Variants in NWD1 observed in about 807,000 individuals in gnomAD.
NWD1 encodes NACHT and WD repeat domain containing 1.
A neutral mutation model predicts 135.1 loss-of-function variants in NWD1; 129 were observed. The observed-to-expected ratio is 0.96, with a 90% CI of 0.83 to 1.11. The LOEUF (loss-of-function observed/expected upper bound fraction) is 1.11, where lower values mean the gene tolerates loss of function less well. Ranked by LOEUF, NWD1 falls within the 50% of genes least tolerant of loss-of-function variation. The pLI, the probability that NWD1 is intolerant of heterozygous loss-of-function variation, is 0.00. For synonymous variants in NWD1, 773 were observed against 786.0 expected (o/e 0.98, Z 0.28); for missense variants, 1,740 against 1,851.3 (o/e 0.94, Z 1.10).
intron 11 of NWD1, among the ~76,000 whole-genome samples, chr19:16,774,339 TCCATCCATCCTCCCACCCATCCAC>T (rs1293890342): frequency 2.7e-5 from 4 of 150,564 alleles, no homozygotes; most frequent in Middle Eastern, 3.4e-3. Flanking sequence ...CATCCATCCA[TCCATCCATCCTCCCACCCATCCAC>T]CCATCCATCT....
chr19:16,761,834 A>T, intron 7 of NWD1, 145 bp from the exon 8 acceptor site: 1 of 552,198 alleles, frequency 1.8e-6, no homozygotes, highest in Non-Finnish European at 3.3e-6. Flanking sequence ...ATTTAGAGAT[A>T]GATGTGATGT....
chr19:16,769,770 T>A (rs1487235876), intron 10 of NWD1, among the ~76,000 whole-genome samples: 1 of 152,240 alleles, frequency 6.6e-6, no homozygotes, highest in Non-Finnish European at 1.5e-5. Flanking sequence ...AACTTCTCTA[T>A]GTCTCCCCGA....
chr19:16,722,935 G>C lies in NWD1; in HGVS notation c.-104-1431G>C, dbSNP rs138756053. Among the ~76,000 whole-genome samples, 672 of 152,232 alleles carry C rather than the reference G, an allele frequency of 4.4e-3. 4 individuals are homozygous for C. The highest frequency in any genetic ancestry group is 0.015 in the African/African-American group (636 of 41,536). On this transcript the variant is annotated intron_variant, in intron 1 of 18. Transcript: ENST00000524140. ...TAGTTGGTGGCAAACTGTTCATGTT[G>C]TCACACATCACTGCTGGGAGATTTA... is the stretch of plus-strand genomic sequence containing the variant.
chr19:16,737,976 A>AAAAGC (rs1479916273), intron 4 of NWD1, among the ~76,000 whole-genome samples: 14 of 149,518 alleles, frequency 9.4e-5, no homozygotes, highest in African/African-American at 3.3e-4. Context: ...AAAAGAAAAG[A>AAAAGC]AAAGAAAAGA....
intron 5 of NWD1, among the ~76,000 whole-genome samples, chr19:16,747,739 C>T (rs11667216): frequency 2.6e-5 from 4 of 152,030 alleles, no homozygotes; most frequent in Non-Finnish European, 4.4e-5. Flanking sequence ...CCTCTCCCAG[C>T]GCAGGCAACC....
intron 16 of NWD1, 28 bp downstream of exon 16, chr19:16,797,914 C>G: frequency 1.3e-6 from 2 of 1,589,712 alleles, no homozygotes; most frequent in South Asian, 2.3e-5. Context: ...ACCCTTCATC[C>G]TCACCTCCAC....
At chr19:16,766,590 CAT>C in intron 10 of NWD1, among the ~76,000 whole-genome samples, 1 of 102,732 alleles carries the variant, frequency 9.7e-6, no homozygotes, top group East Asian at 2.1e-4. Context: ...ATGTCTTAAC[CAT>C]TTTTTTTTTT....
chr19:16,808,284 TCACG>T (rs1482485821), intron 18 of NWD1, 148 bp downstream of exon 18: 2 of 712,740 alleles, frequency 2.8e-6, no homozygotes, highest in Non-Finnish European at 4.6e-6. Context: ...GCGCAGTGGC[TCACG>T]CCTGTAATCC....
intron 6 of NWD1, among the ~76,000 whole-genome samples, chr19:16,750,626 A>AT (rs1455733246): frequency 2.4e-5 from 3 of 123,014 alleles, no homozygotes; most frequent in African/African-American, 6.3e-5. Flanking sequence ...GCAAAATATA[A>AT]TTTTTTTATT....
intron 4 of NWD1, 50 bp downstream of exon 4, chr19:16,736,800 C>T (rs555881453): frequency 1.9e-6 from 2 of 1,079,798 alleles, no homozygotes; most frequent in East Asian, 2.6e-5. Context: ...CAGGATATGC[C>T]CCCTGCTTTC....
rs112114116 is a variant in NWD1 at position 16,816,917 on chromosome 19, G to T, written c.*1878G>T. ...GTAATTTTAAGATGTATGCTTGGAT[G>T]TATTGGGCAGCAGCTTCTAAGGTGT... On this transcript the variant is annotated 3_prime_UTR_variant, in exon 19 of 19. Coordinates refer to ENST00000524140, the MANE Select transcript of NWD1 (RefSeq NM_001007525.5). 7 of 152,208 alleles carry T rather than the reference G, an allele frequency of 4.6e-5. No homozygotes were observed. Among genetic ancestry groups the T allele is most frequent in the African/African-American group, 1.4e-4 (6 of 41,450 alleles). 9.4% of individuals were successfully genotyped at this position (152,208 alleles called of 1,614,324 possible). A position where few individuals can be genotyped will look rare whatever the true frequency, so the allele number is the denominator to read the frequency against.
intron 5 of NWD1, among the ~76,000 whole-genome samples, chr19:16,745,792 C>T (rs1457565975): frequency 6.6e-6 from 1 of 151,954 alleles, no homozygotes; most frequent in East Asian, 1.9e-4. Context: ...TGGTGCATGC[C>T]TGTAGCCCCA....
chr19:16,741,633 T>C (rs978513981), intron 4 of NWD1, among the ~76,000 whole-genome samples: 20 of 151,904 alleles, frequency 1.3e-4, no homozygotes, highest in African/African-American at 4.6e-4. Context: ...CCTCCCAAAG[T>C]GCTGGGATTA....
At chr19:16,753,689 GC>G (rs1314530763) in intron 6 of NWD1, among the ~76,000 whole-genome samples, 1 of 152,154 alleles carries the variant, frequency 6.6e-6, no homozygotes, top group African/African-American at 2.4e-5. Context: ...ACCCTACAGT[GC>G]AAAGGATTGT....
chr19:16,751,246 A>G (rs187328631), intron 6 of NWD1, among the ~76,000 whole-genome samples: 10,401 of 150,962 alleles, frequency 0.069, 586 homozygotes, highest in African/African-American at 0.16. Context: ...AAAAAATGCA[A>G]TAAACTTGGG....
At chr19:16,798,020 G>A in intron 16 of NWD1, 134 bp downstream of exon 16, 2 of 760,728 alleles carry the variant, frequency 2.6e-6, no homozygotes, top group Non-Finnish European at 4.4e-6. Flanking sequence ...TTCATTGGGA[G>A]GATATGGGGG....
At chr19:16,733,350 C>T (rs1368294292) in intron 3 of NWD1, among the ~76,000 whole-genome samples, 1 of 151,764 alleles carries the variant, frequency 6.6e-6, no homozygotes, top group Non-Finnish European at 1.5e-5. Context: ...GTGAAACCCC[C>T]TCTCTACTAA....
At chr19:16,788,230 CAAA>C (rs1970116022) in intron 12 of NWD1, among the ~76,000 whole-genome samples, 1 of 92,822 alleles carries the variant, frequency 1.1e-5, no homozygotes, top group African/African-American at 4.4e-5. Flanking sequence ...AACTTCATCT[CAAA>C]ATAATAATAA....
At chr19:16,759,490 C>T in intron 7 of NWD1, 62 bp downstream of exon 7, 1 of 1,273,312 alleles carries the variant, frequency 7.9e-7, no homozygotes, top group Non-Finnish European at 1.1e-6. Context: ...TGAGGACTCA[C>T]TGGCCGGGGG....
Sources: allele counts gnomAD v4.1 joint callset (sites outside exome capture counted in the v4.1 genomes callset), GRCh38; gene constraint gnomAD v4.1.1; transcripts MANE v1.5; gene names NCBI Gene and HGNC (gene_info 2026-07-23, HGNC 2026-07-21).